FOXP2: variants seen among roughly 807,000 people sequenced by gnomAD.
The protein encoded by FOXP2 is forkhead box protein P2.
Under a neutral mutation model 115.8 loss-of-function variants are expected in FOXP2, and 12 were observed. The ratio of observed to expected loss-of-function variants is 0.10; its 90% CI spans 0.07 to 0.17. FOXP2 has a LOEUF of 0.17. FOXP2 is among the 10% of genes least tolerant of loss of function. The pLI is 1.00. For synonymous variants in FOXP2, 328 were observed against 297.7 expected (o/e 1.10, Z -1.05); for missense variants, 629 against 843.5 (o/e 0.75, Z 3.15).
chr7:114,396,562 A>G (rs967499720), intron 2 of FOXP2, among the ~76,000 whole-genome samples: 2 of 151,926 alleles, frequency 1.3e-5, no homozygotes, highest in African/African-American at 4.8e-5. Flanking sequence ...AGTAACTTCC[A>G]TAATGTTTTC....
intron 6 of FOXP2, 34 bp downstream of exon 6, chr7:114,631,739 A>C (rs1244639617): frequency 6.2e-7 from 1 of 1,607,430 alleles, no homozygotes; most frequent in Non-Finnish European, 8.5e-7. Context: ...CTTCATTTCA[A>C]ATCTTGTACT....
intron 1 of FOXP2, among the ~76,000 whole-genome samples, chr7:114,278,405 G>T (rs1384392577): frequency 6.6e-6 from 1 of 151,834 alleles, no homozygotes; most frequent in Non-Finnish European, 1.5e-5. Flanking sequence ...ACCCAGGCTG[G>T]AGTGCAGTGG....
intron 1 of FOXP2, among the ~76,000 whole-genome samples, chr7:114,118,013 ATCTAATACCT>A (rs1413640811): frequency 6.6e-6 from 1 of 152,164 alleles, no homozygotes; most frequent in African/African-American, 2.4e-5. Context: ...AGGCCTTACC[ATCTAATACCT>A]TCTCATTGGA....
chr7:114,348,560 T>C (rs1467432542), intron 2 of FOXP2, among the ~76,000 whole-genome samples: 1 of 152,102 alleles, frequency 6.6e-6, no homozygotes, highest in Non-Finnish European at 1.5e-5. Flanking sequence ...TCTGTAGCTC[T>C]GTACCAGCTG....
chr7:114,332,978 C>CGTATG (rs1402356815), intron 2 of FOXP2, among the ~76,000 whole-genome samples: 9 of 151,876 alleles, frequency 5.9e-5, no homozygotes, highest in African/African-American at 2.2e-4. Flanking sequence ...AACTGAAGAA[C>CGTATG]GTATGGAAGA....
At chr7:114,271,825 A>G (rs1368345822) in intron 1 of FOXP2, among the ~76,000 whole-genome samples, 1 of 121,162 alleles carries the variant, frequency 8.3e-6, no homozygotes, top group African/African-American at 3.3e-5. Flanking sequence ...TAATATAAAT[A>G]TATGAAATAT....
chr7:114,606,649 A>G (rs1225350560), intron 3 of FOXP2, among the ~76,000 whole-genome samples: 1 of 152,208 alleles, frequency 6.6e-6, no homozygotes, highest in African/African-American at 2.4e-5. Context: ...GGAAATGAGC[A>G]TGATATTTTA....
At chr7:114,403,520 C>T (rs879901902) in intron 2 of FOXP2, among the ~76,000 whole-genome samples, 5 of 152,134 alleles carry the variant, frequency 3.3e-5, no homozygotes, top group South Asian at 2.1e-4. Flanking sequence ...TTTGCATCTA[C>T]AGGAGACTCA....
chr7:114,552,582 A>T (rs1800263572), intron 3 of FOXP2, among the ~76,000 whole-genome samples: 3 of 152,188 alleles, frequency 2.0e-5, no homozygotes, highest in Admixed American at 2.0e-4. Flanking sequence ...AAGCAAGATT[A>T]TTTTAAAAGT....
chr7:114,204,578 A>G (rs1477457510), intron 1 of FOXP2, among the ~76,000 whole-genome samples: 1 of 152,200 alleles, frequency 6.6e-6, no homozygotes, highest in East Asian at 1.9e-4. Flanking sequence ...CGATGATAAT[A>G]TCTCATACAA....
chr7:114,181,689 C>T (rs1200937607), intron 1 of FOXP2, among the ~76,000 whole-genome samples: 2 of 152,014 alleles, frequency 1.3e-5, no homozygotes, highest in Non-Finnish European at 2.9e-5. Context: ...GAGCCTTTAT[C>T]TTTTGTTTGA....
At chr7:114,313,138 C>G (rs1180702185) in intron 2 of FOXP2, among the ~76,000 whole-genome samples, 1 of 152,198 alleles carries the variant, frequency 6.6e-6, no homozygotes, top group African/African-American at 2.4e-5. Flanking sequence ...AGACTCACTA[C>G]ATGCATCATT....
At chr7:114,472,428 C>T (rs1584777675) in intron 2 of FOXP2, among the ~76,000 whole-genome samples, 1 of 151,758 alleles carries the variant, frequency 6.6e-6, no homozygotes, top group African/African-American at 2.4e-5. Context: ...TCACTGCAGC[C>T]TCTGCCTTCC....
chr7:114,155,383 C>A (rs1387556178), intron 1 of FOXP2, among the ~76,000 whole-genome samples: 1 of 152,084 alleles, frequency 6.6e-6, no homozygotes, highest in Non-Finnish European at 1.5e-5. Context: ...AATAAGACAC[C>A]AAATTCCAAC....
intron 3 of FOXP2, among the ~76,000 whole-genome samples, chr7:114,557,849 G>A (rs748864786): frequency 5.3e-5 from 8 of 151,016 alleles, no homozygotes; most frequent in South Asian, 4.2e-4. Flanking sequence ...CTGCTCTGTC[G>A]CCCAGGCTGG....
chr7:114,221,115 T>G (rs1198562436), intron 1 of FOXP2, among the ~76,000 whole-genome samples: 1 of 152,132 alleles, frequency 6.6e-6, no homozygotes, highest in Admixed American at 6.5e-5. Flanking sequence ...GAAGTTAAAG[T>G]TTGTGATTTT....
intron 1 of FOXP2, among the ~76,000 whole-genome samples, chr7:114,091,261 A>G (rs1799537407): frequency 6.6e-6 from 1 of 151,876 alleles, no homozygotes; most frequent in African/African-American, 2.4e-5. Context: ...TGACCTAATG[A>G]AGAGGTTAGT....
chr7:114,507,755 A>G lies in FOXP2; in HGVS notation c.169-26862A>G, dbSNP rs1271997106. The stretch of plus-strand genomic sequence containing the variant: ...ATAAGGAAAGCAAACTCCCCTGTTG[A>G]CTTTTGCTGATGTGTCATCTATTAA... On this transcript the variant is annotated intron_variant, in intron 2 of 16. Transcript: ENST00000350908. Among the ~76,000 whole-genome samples the G allele has an allele frequency of 2.0e-5, 3 of 151,978 alleles. No individual in the cohort carries two copies. In the South Asian group the frequency reaches 6.2e-4, roughly 31 times the overall value.
intron 2 of FOXP2, among the ~76,000 whole-genome samples, chr7:114,309,361 C>A (rs1225488533): frequency 1.3e-5 from 2 of 152,162 alleles, no homozygotes. Flanking sequence ...CTTCCTGTAC[C>A]GCTATACCAG....
Sources: gnomAD v4.1 joint callset for allele counts (sites outside exome capture counted in the v4.1 genomes callset) on GRCh38, gnomAD v4.1.1 for gene constraint, MANE v1.5 for transcripts, NCBI Gene and HGNC (gene_info 2026-07-23, HGNC 2026-07-21) for gene names.